The following ARHGEF11 variants were observed in gnomAD, a reference collection of about 807,000 sequenced individuals.
The protein encoded by ARHGEF11 is Rho guanine exchange factor (GEF) 11.
ARHGEF11 carries 55 observed loss-of-function variants against 193.7 expected under a neutral mutation model. The observed-to-expected ratio is 0.28, with a 90% CI of 0.23 to 0.36. ARHGEF11 has a LOEUF of 0.36. Among genes scored for constraint, ARHGEF11 ranks in the 10% least tolerant of loss-of-function variants. ARHGEF11 has a pLI of 1.00. For synonymous variants in ARHGEF11, 693 were observed against 768.0 expected, an observed-to-expected ratio of 0.90 and a Z score of 1.62; for missense variants, 1,723 against 2,005.6, an observed-to-expected ratio of 0.86 and a Z score of 2.69.
rs1323338189 is a variant in ARHGEF11 at position 156,941,965 on chromosome 1, G to A, written c.3351C>T (p.Ala1117=). The part of the protein sequence containing the change: ...KNTWMELLEE[A]VRNATRHPGA... Reference sequence around the variant, plus strand: ...CGGGGTGCCTGGTGGCATTCCGCACGGCCTCTTCTAAGAGCTCCATCCATC... The same window carrying A: ...CGGGGTGCCTGGTGGCATTCCGCACAGCCTCTTCTAAGAGCTCCATCCATC... Residue 1117 remains alanine (A), a synonymous_variant, in exon 34 of 41, where the codon GCC becomes GCT. Coordinates refer to ENST00000368194, the MANE Select transcript of ARHGEF11 (RefSeq NM_198236.3). The A allele has an allele frequency of 9.9e-6, 16 of 1,613,954 alleles. 1 individual carries two copies. Among genetic ancestry groups the A allele is most frequent in the East Asian group, 2.2e-5 (1 of 44,898 alleles).
intron 34 of ARHGEF11, among the ~76,000 whole-genome samples, 177 bp from the exon 35 acceptor site, chr1:156,941,610 C>G (rs975300648): frequency 6.6e-6 from 1 of 152,206 alleles, no homozygotes; most frequent in African/African-American, 2.4e-5. Flanking sequence ...TGGTCCCTTG[C>G]TCTACATCCC....
intron 1 of ARHGEF11, among the ~76,000 whole-genome samples, chr1:157,024,406 T>C (rs1258219057): frequency 6.6e-6 from 1 of 152,120 alleles, no homozygotes; most frequent in African/African-American, 2.4e-5. Flanking sequence ...ATGAATTATA[T>C]CTCAAAAAGC....
intron 1 of ARHGEF11, among the ~76,000 whole-genome samples, chr1:156,996,384 C>T (rs1349317411): frequency 2.0e-5 from 3 of 151,970 alleles, no homozygotes; most frequent in African/African-American, 7.3e-5. Context: ...GGGGAGAATT[C>T]TGACAGGTAG....
chr1:156,969,186 A>G, intron 10 of ARHGEF11, 96 bp downstream of exon 10: 1 of 976,770 alleles, frequency 1.0e-6, no homozygotes, highest in South Asian at 1.4e-5. Flanking sequence ...AGAGGCACAC[A>G]GAGGCCTCAG....
chr1:157,011,610 T>C (rs1434311236), intron 1 of ARHGEF11, among the ~76,000 whole-genome samples: 1 of 152,010 alleles, frequency 6.6e-6, no homozygotes, highest in African/African-American at 2.4e-5. Flanking sequence ...GTAACCAGAA[T>C]ATATAAAGAA....
chr1:156,939,625 G>A lies in ARHGEF11; in HGVS notation c.4019C>T (p.Ser1340Phe), dbSNP rs1473278166. 1 of 1,613,712 alleles carries A rather than the reference G, an allele frequency of 6.2e-7. No homozygotes were observed. Among genetic ancestry groups the A allele is most frequent in the Admixed American group, 1.7e-5 (1 of 60,030 alleles). ...AGCCAGATTCCTGTCCAGTTCTGGA[G>A]ACTCCCATATCCCAGAATTTCTGGT... ...PRTRNSGIWE[S>F]PELDRNLAED... Residue 1340 changes from serine (S) to phenylalanine (F), a missense_variant, in exon 37 of 41, where the codon TCT becomes TTT. Physicochemically the swap from Ser to Phe is radical, Grantham distance 155. Coordinates refer to ENST00000368194, the MANE Select transcript of ARHGEF11 (RefSeq NM_198236.3).
chr1:156,936,047 G>A lies in ARHGEF11; in HGVS notation c.4642C>T (p.Pro1548Ser), dbSNP rs1287121405. ...GCGTCTGCTGTGCTGTCTTCCAGGG[G>A]GGCGTCAGAGCCTGTGGGAGGAGGA... ...GPCPEDGSDA[P>S]LEDSTADAAA... Residue 1548 changes from proline (P) to serine (S), a missense_variant, in exon 41 of 41, where the codon CCC (proline) becomes TCC (serine). Transcript: ENST00000368194. 3 of 1,613,926 alleles carry A rather than the reference G, an allele frequency of 1.9e-6. No homozygotes were observed. Among genetic ancestry groups the A allele is most frequent in the Admixed American group, 1.7e-5 (1 of 60,002 alleles).
rs767181509 is a variant in ARHGEF11 at position 156,963,475 on chromosome 1, A to T, written c.1038+45T>A. 34 of 1,595,590 alleles carry T rather than the reference A, an allele frequency of 2.1e-5. 1 individual carries two copies. In the Middle Eastern group the frequency reaches 5.0e-4, roughly 23 times the overall value. ...CTGCTTCTAGTCAAGAGCAGCTTGTATGACAAAAAAAAATGATGAAAGGAG... is the reference window on the plus strand; with the variant it reads ...CTGCTTCTAGTCAAGAGCAGCTTGTTTGACAAAAAAAAATGATGAAAGGAG... On this transcript the variant is annotated intron_variant, in intron 12 of 40. Transcript: ENST00000368194.
At chr1:157,030,207 G>A (rs1395288522) in intron 1 of ARHGEF11, among the ~76,000 whole-genome samples, 1 of 152,030 alleles carries the variant, frequency 6.6e-6, no homozygotes, top group East Asian at 1.9e-4. Context: ...AAACTTTACC[G>A]AGCATCCATT....
chr1:156,949,864 C>A (rs1405620932), intron 22 of ARHGEF11, among the ~76,000 whole-genome samples: 1 of 152,132 alleles, frequency 6.6e-6, no homozygotes. Context: ...GCATCTTATA[C>A]CTGTTGAGTA....
chr1:156,956,508 C>A lies in ARHGEF11; in HGVS notation c.1583G>T (p.Arg528Leu). ...AGCTGTGTTGGAAGGTCGTGCCTCT[C>A]GAAGACGGATCCCAGCATGGCTCAT... The part of the protein sequence containing the change: ...TYMSHAGIRL[R>L]EARPSNTAEK... The change falls in exon 19 of 41, where the codon CGA becomes CTA. Residue 528 changes from arginine to leucine, a missense_variant. Arg to Leu is a moderately radical substitution (Grantham distance 102). Coordinates refer to ENST00000368194, the MANE Select transcript of ARHGEF11 (RefSeq NM_198236.3). 6.2e-7 allele frequency: 1 copy of A among 1,614,090 alleles called. No homozygotes were observed. Among genetic ancestry groups the A allele is most frequent in the Non-Finnish European group, 8.5e-7 (1 of 1,180,022 alleles).
chr1:157,018,520 C>CTG (rs749903172), intron 1 of ARHGEF11, among the ~76,000 whole-genome samples: 9 of 152,026 alleles, frequency 5.9e-5, no homozygotes, highest in African/African-American at 9.7e-5. Context: ...TGTCGGGCGC[C>CTG]TGTAGTCCCA....
intron 1 of ARHGEF11, among the ~76,000 whole-genome samples, chr1:157,004,374 C>A (rs958736623): frequency 6.6e-6 from 1 of 152,166 alleles, no homozygotes. Flanking sequence ...CCATCCCAGG[C>A]GGAAACCCCA....
Position 156,935,822 on chromosome 1 carries a change from CCGACTTGAGCAGA to C in ARHGEF11, c.*165_*177del. ...AGGGAAAAGACACTGAAACCTGACT[CCGACTTGAGCAGA>C]CCAAGCAACATGCGGGTCTCCCCCC... is the stretch of plus-strand genomic sequence containing the variant. On this transcript the variant is annotated 3_prime_UTR_variant, in exon 41 of 41. Transcript: ENST00000368194. The C allele has an allele frequency of 4.5e-6, 3 of 663,664 alleles. No individual in the cohort carries two copies. Among genetic ancestry groups the C allele is most frequent in the Non-Finnish European group, 7.6e-6 (3 of 394,976 alleles). The allele number at this position is 663,664 out of a possible 1,614,324, so 41.1% of individuals were successfully genotyped here. A position where few individuals can be genotyped will look rare whatever the true frequency, so the allele number is the denominator to read the frequency against.
At chr1:156,949,823 A>G (rs73008707) in intron 22 of ARHGEF11, among the ~76,000 whole-genome samples, 3,355 of 152,118 alleles carry the variant, frequency 0.022, 104 homozygotes, top group African/African-American at 0.07. Context: ...TTTGCCCCCA[A>G]ATTCCTAGGG....
intron 7 of ARHGEF11, 117 bp downstream of exon 7, chr1:156,976,866 A>T: frequency 4.1e-5 from 36 of 877,280 alleles, no homozygotes; most frequent in Middle Eastern, 2.6e-4. Flanking sequence ...TTATTTTTTG[A>T]GGTTTTACTG....
chr1:157,029,746 T>G (rs1438436096), intron 1 of ARHGEF11, among the ~76,000 whole-genome samples: 2 of 152,170 alleles, frequency 1.3e-5, no homozygotes, highest in Non-Finnish European at 2.9e-5. Flanking sequence ...AAAACCTAAA[T>G]GTCCATGAAC....
At chr1:157,026,803 GCTAA>G (rs1482862925) in intron 1 of ARHGEF11, among the ~76,000 whole-genome samples, 3 of 152,206 alleles carry the variant, frequency 2.0e-5, no homozygotes, top group Non-Finnish European at 4.4e-5. Flanking sequence ...CTGAACAAAT[GCTAA>G]CTGTTATTAT....
At chr1:156,971,645 C>T (rs967860322) in intron 8 of ARHGEF11, 52 bp downstream of exon 8, 11 of 1,574,842 alleles carry the variant, frequency 7.0e-6, no homozygotes, top group African/African-American at 4.0e-5. Context: ...CCTCACTCTA[C>T]CCCCAGTTCT....
Sources: gnomAD v4.1 joint callset for allele counts (sites outside exome capture counted in the v4.1 genomes callset) on GRCh38, gnomAD v4.1.1 for gene constraint, MANE v1.5 for transcripts, NCBI Gene and HGNC (gene_info 2026-07-23, HGNC 2026-07-21) for gene names.